LRRC7: variants seen among roughly 807,000 people sequenced by gnomAD.
LRRC7 encodes leucine-rich repeat-containing protein 7.
Under a neutral mutation model 175.7 loss-of-function variants are expected in LRRC7, and 23 were observed. The ratio of observed to expected loss-of-function variants is 0.13; its 90% CI spans 0.09 to 0.19. The LOEUF is 0.19. Ranked by LOEUF, LRRC7 falls within the 10% of genes least tolerant of loss-of-function variation. LRRC7 has a pLI of 1.00. For missense variants in LRRC7, 1,354 were observed against 1,904.7 expected (o/e 0.71, Z 5.38); for synonymous variants, 685 against 680.9 (o/e 1.01, Z -0.09).
intron 7 of LRRC7, chr1:69,873,751 G>C (rs1211992479): frequency 1.8e-5 from 3 of 165,270 alleles, no homozygotes. Context: ...CTAATATAGA[G>C]AGACCTGATT....
intron 21 of LRRC7, 137 bp from the exon 22 acceptor site, chr1:70,043,817 T>G: frequency 1.1e-6 from 1 of 930,252 alleles, no homozygotes; most frequent in East Asian, 2.6e-5. Context: ...TTCTGTCTGA[T>G]CAAGTGCATG....
chr1:70,035,960 C>T (rs1410307529), intron 18 of LRRC7, among the ~76,000 whole-genome samples, 161 bp from the exon 19 acceptor site: 1 of 152,120 alleles, frequency 6.6e-6, no homozygotes, highest in East Asian at 1.9e-4. Flanking sequence ...AAATTTAATG[C>T]TTAACTCAGA....
intron 9 of LRRC7, among the ~76,000 whole-genome samples, chr1:69,985,163 T>C (rs1653820638): frequency 6.6e-6 from 1 of 152,176 alleles, no homozygotes; most frequent in Admixed American, 6.5e-5. Context: ...GTTTCCTTCA[T>C]TACTGAGAAC....
intron 2 of LRRC7, among the ~76,000 whole-genome samples, chr1:69,757,921 G>A (rs1479309114): frequency 6.6e-6 from 1 of 151,100 alleles, no homozygotes; most frequent in South Asian, 2.1e-4. Context: ...CTCTCCCATA[G>A]CCTCTCTTTC....
intron 17 of LRRC7, among the ~76,000 whole-genome samples, chr1:70,023,858 T>C (rs1657787945): frequency 6.6e-6 from 1 of 152,132 alleles, no homozygotes; most frequent in African/African-American, 2.4e-5. Flanking sequence ...AGACATCTGT[T>C]GAAAAGCATC....
At chr1:69,734,871 T>C (rs1012527381) in intron 2 of LRRC7, among the ~76,000 whole-genome samples, 1 of 151,906 alleles carries the variant, frequency 6.6e-6, no homozygotes, top group African/African-American at 2.4e-5. Flanking sequence ...TCTTTTAAGT[T>C]ATGTAGATAA....
At chr1:69,573,336 A>T (rs1287641833) in intron 1 of LRRC7, among the ~76,000 whole-genome samples, 1 of 152,170 alleles carries the variant, frequency 6.6e-6, no homozygotes, top group Non-Finnish European at 1.5e-5. Flanking sequence ...AGATTATGGA[A>T]GTTTTTCCTG....
At chr1:70,020,750 C>T in intron 15 of LRRC7, 1 of 229,560 alleles carries the variant, frequency 4.4e-6, no homozygotes, top group Non-Finnish European at 8.6e-6. Context: ...ACCCCATTTC[C>T]TACACTAGAA....
chr1:69,819,758 A>T (rs944358028), intron 4 of LRRC7, among the ~76,000 whole-genome samples: 7 of 152,034 alleles, frequency 4.6e-5, no homozygotes, highest in Admixed American at 2.0e-4. Flanking sequence ...TATTTAAATT[A>T]TATCCTCTTG....
intron 7 of LRRC7, among the ~76,000 whole-genome samples, chr1:69,877,087 G>A (rs1040099651): frequency 6.6e-6 from 1 of 152,136 alleles, no homozygotes; most frequent in African/African-American, 2.4e-5. Context: ...ATGTAAAATA[G>A]AAAGCACGAG....
In LRRC7 at chr1:70,131,026, A is replaced by G. The variant is rs1354370369; in HGVS notation, c.*9139A>G. On this transcript the variant is annotated 3_prime_UTR_variant, in exon 27 of 27. Transcript: ENST00000651989. Reference sequence around the variant, plus strand: ...AATAGATCCCACCCCCTATATCCCTAAAGTGAAGATGTCATATAGTTCAGC... The same window carrying G: ...AATAGATCCCACCCCCTATATCCCTGAAGTGAAGATGTCATATAGTTCAGC... Among the ~76,000 whole-genome samples, 1 of 152,212 alleles carries G rather than the reference A, an allele frequency of 6.6e-6. No homozygotes were observed. Among genetic ancestry groups the G allele is most frequent in the Non-Finnish European group, 1.5e-5 (1 of 68,036 alleles).
At chr1:70,057,018 G>C (rs937990677) in intron 23 of LRRC7, among the ~76,000 whole-genome samples, 1 of 152,098 alleles carries the variant, frequency 6.6e-6, no homozygotes, top group African/African-American at 2.4e-5. Context: ...GAATCCATAG[G>C]AATCTGCATT....
intron 1 of LRRC7, among the ~76,000 whole-genome samples, chr1:69,628,334 C>A (rs1240924523): frequency 6.6e-6 from 1 of 152,020 alleles, no homozygotes; most frequent in African/African-American, 2.4e-5. Flanking sequence ...TTATATACAG[C>A]AATGAACAAG....
At chr1:69,791,832 C>A (rs1675155693) in intron 3 of LRRC7, among the ~76,000 whole-genome samples, 1 of 151,820 alleles carries the variant, frequency 6.6e-6, no homozygotes, top group Admixed American at 6.6e-5. Flanking sequence ...GGGTTTGAGT[C>A]TGGGTAGCCA....
intron 2 of LRRC7, among the ~76,000 whole-genome samples, chr1:69,715,004 A>G (rs1230336110): frequency 1.3e-5 from 2 of 152,210 alleles, no homozygotes; most frequent in South Asian, 2.1e-4. Context: ...TGCTATTTAT[A>G]TATTGTCACC....
chr1:69,626,781 T>C (rs1651649097), intron 1 of LRRC7, among the ~76,000 whole-genome samples: 1 of 144,076 alleles, frequency 6.9e-6, no homozygotes, highest in South Asian at 2.2e-4. Context: ...TGTGCAAGTG[T>C]TCTCATTGTT....
intron 25 of LRRC7, among the ~76,000 whole-genome samples, chr1:70,091,090 T>C (rs1663997481): frequency 6.6e-6 from 1 of 152,132 alleles, no homozygotes; most frequent in Non-Finnish European, 1.5e-5. Flanking sequence ...GAGCAGCTAC[T>C]CATATAAAAG....
At chr1:69,710,453 G>T (rs1369540702) in intron 2 of LRRC7, among the ~76,000 whole-genome samples, 2 of 152,000 alleles carry the variant, frequency 1.3e-5, no homozygotes, top group Non-Finnish European at 2.9e-5. Flanking sequence ...ATTCCTCCCT[G>T]TAGGGTTTAC....
intron 1 of LRRC7, among the ~76,000 whole-genome samples, chr1:69,637,655 CCTTT>C (rs1242975314): frequency 6.6e-6 from 1 of 151,904 alleles, no homozygotes; most frequent in Non-Finnish European, 1.5e-5. Context: ...ATCTTCTTTT[CCTTT>C]CTTTTCTTTC....
Sources: allele counts gnomAD v4.1 joint callset (sites outside exome capture counted in the v4.1 genomes callset), GRCh38; gene constraint gnomAD v4.1.1; transcripts MANE v1.5; gene names NCBI Gene and HGNC (gene_info 2026-07-23, HGNC 2026-07-21).